The following NYAP2 variants were observed in gnomAD, a reference collection of about 807,000 sequenced individuals.
The protein encoded by NYAP2 is neuronal tyrosine-phosphorylated phosphoinositide-3-kinase adaptor 2, also known as neuronal tyrosine-phosphorylated phosphoinositide-3-kinase adapter 2.
A neutral mutation model predicts 50.4 loss-of-function variants in NYAP2; 23 were observed. The observed-to-expected ratio is 0.46, with a 90% confidence interval of 0.33 to 0.65. The LOEUF is 0.65. NYAP2 is among the 30% of genes least tolerant of loss of function. The pLI, the probability that NYAP2 is intolerant of heterozygous loss-of-function variation, is 0.02. For synonymous variants in NYAP2, 394 were observed against 365.2 expected (o/e 1.08, Z -0.90); for missense variants, 885 against 861.0 (o/e 1.03, Z -0.35).
At chr2:225,561,353 A>C (rs1212672916) in intron 4 of NYAP2, among the ~76,000 whole-genome samples, 2 of 152,092 alleles carry the variant, frequency 1.3e-5, no homozygotes, top group Admixed American at 6.6e-5. Context: ...CATGCTTGGC[A>C]GTTAGGAATA....
intron 3 of NYAP2, among the ~76,000 whole-genome samples, chr2:225,498,309 T>C (rs1187584452): frequency 6.6e-6 from 1 of 152,200 alleles, no homozygotes; most frequent in East Asian, 1.9e-4. Flanking sequence ...GATGAAAGTT[T>C]AAGAAAGAAG....
At chr2:225,606,068 T>A (rs937757581) in intron 5 of NYAP2, among the ~76,000 whole-genome samples, 5 of 152,192 alleles carry the variant, frequency 3.3e-5, no homozygotes, top group Admixed American at 2.6e-4. Context: ...ATAGAATTCA[T>A]TCTGGTACTT....
intron 5 of NYAP2, among the ~76,000 whole-genome samples, chr2:225,612,913 C>T (rs1049579529): frequency 9.8e-5 from 6 of 61,152 alleles, no homozygotes; most frequent in African/African-American, 2.2e-4. Context: ...ATATTCAGTC[C>T]ATAACAGTGA....
intron 4 of NYAP2, among the ~76,000 whole-genome samples, chr2:225,518,817 G>A (rs564012354): frequency 9.3e-5 from 14 of 151,326 alleles, no homozygotes; most frequent in African/African-American, 1.5e-4. Flanking sequence ...TCAGGAGTTC[G>A]AGAGTAGCCT....
At chr2:225,448,511 T>C (rs1689598533) in intron 3 of NYAP2, among the ~76,000 whole-genome samples, 1 of 152,200 alleles carries the variant, frequency 6.6e-6, no homozygotes, top group South Asian at 2.1e-4. Context: ...TGAATAAACA[T>C]GTCCTAAAAG....
At chr2:225,643,236 T>C (rs1436646009) in intron 6 of NYAP2, among the ~76,000 whole-genome samples, 1 of 152,082 alleles carries the variant, frequency 6.6e-6, no homozygotes, top group Non-Finnish European at 1.5e-5. Flanking sequence ...ACAGTGTTTC[T>C]TGGATTTTGC....
chr2:225,701,425 A>T, the NYAP2 span: 2 of 151,822 alleles, frequency 1.3e-5, no homozygotes, highest in Non-Finnish European at 2.9e-5. Flanking sequence ...TTTCATAGAA[A>T]CAGAATTTTA....
the NYAP2 span, among the ~76,000 whole-genome samples, chr2:225,697,075 A>T: frequency 6.6e-6 from 1 of 151,942 alleles, no homozygotes; most frequent in African/African-American, 2.4e-5. Flanking sequence ...TTGTTTAAAC[A>T]ATTATGTGGA....
At chr2:225,554,284 C>G (rs1028186067) in intron 4 of NYAP2, among the ~76,000 whole-genome samples, 1 of 147,566 alleles carries the variant, frequency 6.8e-6, no homozygotes, top group Non-Finnish European at 1.5e-5. Flanking sequence ...ATTTCCCAAT[C>G]TAAAACCATA....
intron 4 of NYAP2, among the ~76,000 whole-genome samples, chr2:225,546,427 C>T (rs564480421): frequency 1.6e-3 from 238 of 152,116 alleles, no homozygotes; most frequent in African/African-American, 5.5e-3. Flanking sequence ...CTTCCCTTTC[C>T]TTCCCACAAG....
At chr2:225,569,754 T>C (rs1359328135) in intron 4 of NYAP2, among the ~76,000 whole-genome samples, 1 of 152,210 alleles carries the variant, frequency 6.6e-6, no homozygotes, top group Non-Finnish European at 1.5e-5. Context: ...ATGATAGGAT[T>C]GGAACTGAGA....
chr2:225,521,820 T>A (rs1397853575), intron 4 of NYAP2, among the ~76,000 whole-genome samples: 3 of 152,136 alleles, frequency 2.0e-5, no homozygotes, highest in Admixed American at 6.6e-5. Flanking sequence ...CCTCTTTTTC[T>A]ATTGATTGGA....
At position 225,582,940 on chromosome 2, in the gene NYAP2, C is replaced by G; in HGVS notation, c.1523C>G (p.Thr508Arg). 6.2e-7 allele frequency: 1 copy of G among 1,612,698 alleles called. No homozygotes were observed. Among genetic ancestry groups the G allele is most frequent in the Non-Finnish European group, 8.5e-7 (1 of 1,179,774 alleles). The change falls in exon 5 of 7, where the codon ACG becomes AGG. Residue 508 changes from threonine to arginine, a missense_variant. Transcript: ENST00000636099. The surrounding 1 kb of genome is among the most constrained non-coding windows in gnomAD (Gnocchi z 7.0). ...GGTGGCTCCCGGTCCCGGACACCCA[C>G]GAGCCCGCTGGAGGAGCTGACCAGC...
chr2:225,680,934 T>C, the NYAP2 span, among the ~76,000 whole-genome samples: 1 of 152,210 alleles, frequency 6.6e-6, no homozygotes, highest in African/African-American at 2.4e-5. Context: ...CAGATCTGGC[T>C]ATAGCTATAT....
the NYAP2 span, among the ~76,000 whole-genome samples, chr2:225,685,269 C>T: frequency 6.6e-6 from 1 of 152,132 alleles, no homozygotes; most frequent in East Asian, 1.9e-4. Flanking sequence ...TGTGGTCAAG[C>T]CCATATATAC....
At chr2:225,515,871 C>T (rs1236348881) in intron 4 of NYAP2, among the ~76,000 whole-genome samples, 1 of 151,828 alleles carries the variant, frequency 6.6e-6, no homozygotes, top group Non-Finnish European at 1.5e-5. Flanking sequence ...TGAATGCAGT[C>T]AGGAATAATT....
rs192433050 is a variant in NYAP2, at chr2:225,508,385, G to A, written c.222-4986G>A. ...TTTCACAGGCATTCCTTATTTCTGG[G>A]GTCTTCCATTTGTCGTGATGCCTTC... On this transcript the variant is annotated intron_variant, in intron 3 of 6. Coordinates refer to ENST00000636099, the Ensembl canonical transcript of NYAP2. 1.4e-4 allele frequency among the ~76,000 whole-genome samples: 22 copies of A among 152,166 alleles called. No homozygotes were observed. In the South Asian group the frequency reaches 2.1e-3, roughly 14 times the overall value.
At chr2:225,639,402 T>C (rs531066330) in intron 6 of NYAP2, among the ~76,000 whole-genome samples, 1 of 152,244 alleles carries the variant, frequency 6.6e-6, no homozygotes, top group Admixed American at 6.5e-5. Flanking sequence ...AATGCCTTTA[T>C]GTGTACTGTC....
chr2:225,538,921 G>A (rs952010850), intron 4 of NYAP2, among the ~76,000 whole-genome samples: 9 of 150,812 alleles, frequency 6.0e-5, no homozygotes, highest in Non-Finnish European at 8.8e-5. Context: ...AGGTATACAC[G>A]TGCCATGGTG....
Sources: allele counts gnomAD v4.1 joint callset (sites outside exome capture counted in the v4.1 genomes callset), GRCh38; gene constraint gnomAD v4.1.1; non-coding constraint Gnocchi (gnomAD v3.1); transcripts MANE v1.5; gene names NCBI Gene and HGNC (gene_info 2026-07-23, HGNC 2026-07-21).